Variants in PIEZO2 observed in about 807,000 individuals in gnomAD.
PIEZO2 encodes the protein piezo-type mechanosensitive ion channel component 2.
Under a neutral mutation model 337.3 loss-of-function variants are expected in PIEZO2, and 172 were observed. The observed-to-expected ratio is 0.51, with a 90% CI of 0.45 to 0.58. The LOEUF is 0.58. PIEZO2 is among the 20% of genes least tolerant of loss of function. The pLI is 0.00. For synonymous variants in PIEZO2, 1,251 were observed against 1,228.5 expected, an observed-to-expected ratio of 1.02 and a Z score of -0.38; for missense variants, 3,028 against 3,391.3, an observed-to-expected ratio of 0.89 and a Z score of 2.66.
chr18:10,689,787 G>C lies in PIEZO2; in HGVS notation c.7365C>G (p.Pro2455=). Residue 2455 remains proline (P), a synonymous_variant, in exon 49 of 56, where the codon CCC becomes CCG. Transcript: ENST00000674853. ...TCACTGCCCTCAGCTCAGTCAAAAA[G>C]GGCACGAGGCGAAACCTGGCAGGAA... ...LFLFQGFRLV[P]FLTELRAVMD... The C allele has an allele frequency of 6.2e-7, 1 of 1,610,580 alleles. No homozygotes were observed. The highest frequency in any genetic ancestry group is 1.1e-5 in the South Asian group (1 of 90,612).
chr18:10,735,364 G>GA (rs1038336397), intron 34 of PIEZO2, among the ~76,000 whole-genome samples, 34 bp from the exon 35 acceptor site: 19 of 152,122 alleles, frequency 1.2e-4, no homozygotes, highest in Non-Finnish European at 2.4e-4. Flanking sequence ...GTAATTAGTA[G>GA]AAAAAACCAA....
At chr18:10,865,029 G>A (rs1282351914) in intron 5 of PIEZO2, among the ~76,000 whole-genome samples, 1 of 152,204 alleles carries the variant, frequency 6.6e-6, no homozygotes, top group Non-Finnish European at 1.5e-5. Flanking sequence ...GGACAAGAGT[G>A]AGGAGAAGAC....
chr18:10,777,851 C>T (rs1469500711), intron 18 of PIEZO2, among the ~76,000 whole-genome samples: 1 of 152,104 alleles, frequency 6.6e-6, no homozygotes, highest in Admixed American at 6.5e-5. Context: ...ATCTAGAACT[C>T]AAAAGCACTC....
At chr18:10,803,205 A>C (rs2039885945) in intron 9 of PIEZO2, among the ~76,000 whole-genome samples, 1 of 152,176 alleles carries the variant, frequency 6.6e-6, no homozygotes, top group African/African-American at 2.4e-5. Flanking sequence ...GGTGAGTCGG[A>C]AACTGCTGTT....
chr18:11,004,030 C>T (rs2035635282), intron 2 of PIEZO2, among the ~76,000 whole-genome samples: 1 of 152,152 alleles, frequency 6.6e-6, no homozygotes. Context: ...CTGCAAAGGC[C>T]TGAGAAGGGG....
At chr18:10,720,449 A>G (rs1399991441) in intron 36 of PIEZO2, among the ~76,000 whole-genome samples, 5 of 60,440 alleles carry the variant, frequency 8.3e-5, no homozygotes, top group South Asian at 1.1e-3. Flanking sequence ...ATATATATAT[A>G]TATATATATA....
At chr18:10,679,203 G>C (rs1265906840) in intron 52 of PIEZO2, among the ~76,000 whole-genome samples, 2 of 152,130 alleles carry the variant, frequency 1.3e-5, no homozygotes, top group Admixed American at 1.3e-4. Flanking sequence ...CAAAGTGCCA[G>C]GATTACAGGT....
intron 4 of PIEZO2, among the ~76,000 whole-genome samples, chr18:10,908,972 T>C (rs550347979): frequency 2.0e-5 from 3 of 152,314 alleles, no homozygotes; most frequent in East Asian, 1.9e-4. Flanking sequence ...CAAATGACAG[T>C]AGCCAAATCC....
chr18:10,905,439 C>T (rs2043151080), intron 4 of PIEZO2, among the ~76,000 whole-genome samples: 2 of 151,994 alleles, frequency 1.3e-5, no homozygotes, highest in South Asian at 2.1e-4. Context: ...CAAAATTAGC[C>T]GGGTGTGGTG....
In PIEZO2 at chr18:10,962,608, T is replaced by C. The variant is rs1009229625; in HGVS notation, c.286+16927A>G. ...CAGGCATTTTTGCCTCATTCAGCTG[T>C]GCTACATTGCCCCTCTTTCTTTGAC... On this transcript the variant is annotated intron_variant, in intron 3 of 55. Transcript: ENST00000674853. The surrounding 1 kb of genome is among the most constrained non-coding windows in gnomAD (Gnocchi z 4.1). Among the ~76,000 whole-genome samples the C allele has an allele frequency of 6.6e-6, 1 of 152,220 alleles. No individual in the cohort carries two copies. The highest frequency in any genetic ancestry group is 1.5e-5 in the Non-Finnish European group (1 of 68,030).
intron 39 of PIEZO2, among the ~76,000 whole-genome samples, chr18:10,714,439 C>T (rs1285681818): frequency 6.6e-6 from 1 of 152,158 alleles, no homozygotes; most frequent in Non-Finnish European, 1.5e-5. Context: ...TCTTGAAAGG[C>T]ACTAAAGATG....
chr18:10,724,902 C>A lies in PIEZO2; in HGVS notation c.5029+6505G>T. On this transcript the variant is annotated intron_variant, in intron 36 of 55. Transcript: ENST00000674853. The surrounding 1 kb of genome is among the most constrained non-coding windows in gnomAD (Gnocchi z 5.8). ...ATAGTACTGGCCGGCGGGGGCGTGGCACCCTGGGACAGCCTCCACCTGGAC... is the reference window on the plus strand; with the variant it reads ...ATAGTACTGGCCGGCGGGGGCGTGGAACCCTGGGACAGCCTCCACCTGGAC... 6.2e-7 allele frequency: 1 copy of A among 1,609,210 alleles called. No homozygotes were observed. Among genetic ancestry groups the A allele is most frequent in the African/African-American group, 1.3e-5 (1 of 74,956 alleles).
Position 11,110,275 on chromosome 18 carries a change from A to G in PIEZO2, c.64+38250T>C, listed in dbSNP as rs986933284. 2.6e-5 allele frequency among the ~76,000 whole-genome samples: 4 copies of G among 152,076 alleles called. No homozygotes were observed. The highest frequency in any genetic ancestry group is 1.9e-4 in the East Asian group (1 of 5,196). On this transcript the variant is annotated intron_variant, in intron 1 of 55. Transcript: ENST00000674853. The surrounding 1 kb of genome is among the most constrained non-coding windows in gnomAD (Gnocchi z 4.2). ...TGGGACTACAGGTGCAAGCCTCCTC[A>G]TTTTTCTAATAAACATACACAGAAG...
chr18:10,857,648 G>T lies in PIEZO2; in HGVS notation c.493-437C>A, dbSNP rs116012185. The stretch of plus-strand genomic sequence containing the variant: ...TCCAATCAATGCTTAGGAAATTCTG[G>T]TTTTTTTCTAAGTTTATCTTTGTTC... On this transcript the variant is annotated intron_variant, in intron 5 of 55. Coordinates refer to ENST00000674853, the MANE Select transcript of PIEZO2 (RefSeq NM_001378183.1). 2.2e-3 allele frequency among the ~76,000 whole-genome samples: 340 copies of T among 152,264 alleles called. 4 individuals are homozygous for T. The highest frequency in any genetic ancestry group is 7.2e-3 in the African/African-American group (300 of 41,554).
Position 11,083,375 on chromosome 18 carries a change from G to C in PIEZO2, c.65-17153C>G, listed in dbSNP as rs2038815050. Among the ~76,000 whole-genome samples, 2 of 152,228 alleles carry C rather than the reference G, an allele frequency of 1.3e-5. No individual in the cohort carries two copies. The highest frequency in any genetic ancestry group is 1.3e-4 in the Admixed American group (2 of 15,280). ...CTCAGAAGAGGAACTATATTTGTTT[G>C]GATGTTTTCCTTGGTAAATTCTTGG... On this transcript the variant is annotated intron_variant, in intron 1 of 55. Transcript: ENST00000674853. This position sits in a 1 kb window ranked among gnomAD's most constrained non-coding sequence, Gnocchi z 4.4.
chr18:10,715,818 T>A lies in PIEZO2; in HGVS notation c.5090-2A>T. The A allele has an allele frequency of 6.6e-7, 1 of 1,518,182 alleles. No individual in the cohort carries two copies. The highest frequency in any genetic ancestry group is 8.8e-7 in the Non-Finnish European group (1 of 1,134,772). 94.0% of individuals were successfully genotyped at this position (1,518,182 alleles called of 1,614,324 possible). On this transcript the variant is annotated splice_acceptor_variant, in intron 37 of 55. Coordinates refer to ENST00000674853, the MANE Select transcript of PIEZO2 (RefSeq NM_001378183.1). LOFTEE classifies it high-confidence loss of function. Reference sequence around the variant, plus strand: ...TAAATATCCTCTTGATGATATTATCTAGGAGGAAGAAAGGCAACAAGATGT... The same window carrying A: ...TAAATATCCTCTTGATGATATTATCAAGGAGGAAGAAAGGCAACAAGATGT...
At chr18:10,909,200 T>C (rs536681305) in intron 4 of PIEZO2, among the ~76,000 whole-genome samples, 4 of 152,162 alleles carry the variant, frequency 2.6e-5, no homozygotes, top group Non-Finnish European at 4.4e-5. Flanking sequence ...GTGAAATAAT[T>C]TGAATTTACA....
In PIEZO2 at chr18:10,863,892, C is replaced by T. The variant is rs944693147; in HGVS notation, c.493-6681G>A. Among the ~76,000 whole-genome samples the T allele has an allele frequency of 6.6e-6, 1 of 151,798 alleles. No homozygotes were observed. The highest frequency in any genetic ancestry group is 2.4e-5 in the African/African-American group (1 of 41,174). On this transcript the variant is annotated intron_variant, in intron 5 of 55. Transcript: ENST00000674853. This position sits in a 1 kb window ranked among gnomAD's most constrained non-coding sequence, Gnocchi z 4.3. ...CAGTCACACACACACACACCTATAT[C>T]ATCCACTCAGTTCACATTAGTTCCA... is the stretch of plus-strand genomic sequence containing the variant.
At chr18:11,042,993 T>C (rs1164493687) in intron 2 of PIEZO2, among the ~76,000 whole-genome samples, 1 of 152,176 alleles carries the variant, frequency 6.6e-6, no homozygotes, top group Non-Finnish European at 1.5e-5. Flanking sequence ...CCAAAAAAAT[T>C]GTTTGGCCAT....
Sources: allele counts gnomAD v4.1 joint callset (sites outside exome capture counted in the v4.1 genomes callset), GRCh38; gene constraint gnomAD v4.1.1; non-coding constraint Gnocchi (gnomAD v3.1); transcripts MANE v1.5; gene names NCBI Gene and HGNC (gene_info 2026-07-23, HGNC 2026-07-21).